NFAM1: variants seen among roughly 807,000 people sequenced by gnomAD.
The protein encoded by NFAM1 is NFAT activating protein with ITAM motif 1.
NFAM1 carries 17 observed loss-of-function variants against 29.0 expected under a neutral mutation model. The observed-to-expected ratio is 0.59, with a 90% CI of 0.40 to 0.88. The LOEUF is 0.88. Among genes scored for constraint, NFAM1 ranks in the 40% least tolerant of loss-of-function variants. The pLI is 0.00. For missense variants in NFAM1, 324 were observed against 344.6 expected, an observed-to-expected ratio of 0.94 and a Z score of 0.47; for synonymous variants, 175 against 147.2, an observed-to-expected ratio of 1.19 and a Z score of -1.36.
intron 1 of NFAM1, among the ~76,000 whole-genome samples, chr22:42,425,189 C>A (rs1175781158): frequency 6.6e-6 from 1 of 152,032 alleles, no homozygotes. Context: ...CCCCAAAGTG[C>A]GGGATTACAG....
intron 1 of NFAM1, among the ~76,000 whole-genome samples, chr22:42,424,656 C>T (rs550737236): frequency 3.9e-5 from 6 of 152,042 alleles, no homozygotes; most frequent in East Asian, 1.9e-4. Context: ...AGGTTTCAAA[C>T]GCAAGAAAGT....
chr22:42,428,698 GCCT>G (rs1930704288), intron 1 of NFAM1, among the ~76,000 whole-genome samples: 1 of 151,978 alleles, frequency 6.6e-6, no homozygotes, highest in Admixed American at 6.5e-5. Context: ...TCCCTCTGGT[GCCT>G]AGAACCGGTC....
chr22:42,434,326 C>T (rs751509413), upstream of NFAM1, among the ~76,000 whole-genome samples: 5 of 152,136 alleles, frequency 3.3e-5, no homozygotes, highest in Non-Finnish European at 4.4e-5. Flanking sequence ...CCCAACACCA[C>T]GCTGGTGCAC....
intron 1 of NFAM1, among the ~76,000 whole-genome samples, chr22:42,426,684 G>A (rs1436152011): frequency 6.6e-6 from 1 of 152,200 alleles, no homozygotes. Context: ...GGACTGGGGA[G>A]GCCATGGTGA....
chr22:42,403,559 C>G (rs1929796793), intron 3 of NFAM1, among the ~76,000 whole-genome samples: 1 of 152,262 alleles, frequency 6.6e-6, no homozygotes, highest in South Asian at 2.1e-4. Flanking sequence ...CTCAGGTGAT[C>G]AGCCAACCTG....
Position 42,409,551 on chromosome 22 carries a change from G to C in NFAM1, c.452-4C>G. 6.8e-7 allele frequency: 1 copy of C among 1,471,942 alleles called. No individual in the cohort carries two copies. The highest frequency in any genetic ancestry group is 9.1e-7 in the Non-Finnish European group (1 of 1,098,214). The allele number at this position is 1,471,942 out of a possible 1,614,324, so 91.2% of individuals were successfully genotyped here. On this transcript the variant is annotated splice_region_variant and splice_polypyrimidine_tract_variant and intron_variant, in intron 2 of 5. Transcript: ENST00000329021. This position sits in a 1 kb window ranked among gnomAD's most constrained non-coding sequence, Gnocchi z 4.9. ...GGGGGCTCTCGGTACCCTGCGTCTA[G>C]GAGGAAGCGCAGGGGAGCAGAGGGG...
chr22:42,402,468 AGGGCTC>A (rs1929754416), intron 3 of NFAM1, among the ~76,000 whole-genome samples: 1 of 152,180 alleles, frequency 6.6e-6, no homozygotes, highest in Admixed American at 6.5e-5. Flanking sequence ...AGAGCGCGGA[AGGGCTC>A]GGAGGAAGGG....
At position 42,382,929 on chromosome 22, in the gene NFAM1, G is replaced by A. The variant is rs560650529; in HGVS notation, c.*2232C>T. The A allele has an allele frequency of 6.5e-6, 1 of 153,014 alleles. No homozygotes were observed. The highest frequency in any genetic ancestry group is 1.9e-4 in the East Asian group (1 of 5,192). The allele number at this position is 153,014 out of a possible 1,614,324, so 9.5% of individuals were successfully genotyped here. A position where few individuals can be genotyped will look rare whatever the true frequency, so the allele number is the denominator to read the frequency against. On this transcript the variant is annotated 3_prime_UTR_variant, in exon 6 of 6. Coordinates refer to ENST00000329021, the MANE Select transcript of NFAM1 (RefSeq NM_145912.8). ...GGCAATGTCTCTGTCCACCAGAGGG[G>A]TGATGGGTCAGCCCCCAAGAACCTC...
chr22:42,386,990 T>A lies in NFAM1; in HGVS notation c.752A>T (p.Gln251Leu). Residue 251 changes from glutamine to leucine, a missense_variant and splice_region_variant, in exon 5 of 6, where the codon CAG becomes CTG. Gln to Leu is a moderately radical substitution (Grantham distance 113). Coordinates refer to ENST00000329021, the MANE Select transcript of NFAM1 (RefSeq NM_145912.8). ...SPTAKQSPLS[Q>L]ERPHRFEDDG... ...CTTGGTGCCCCAGCGCCTGTGTACCTGGGAGAGGGGGCTCTGCTTGGCGGT... is the reference window on the plus strand; with the variant it reads ...CTTGGTGCCCCAGCGCCTGTGTACCAGGGAGAGGGGGCTCTGCTTGGCGGT... 1.3e-6 allele frequency: 2 copies of A among 1,544,294 alleles called. No individual in the cohort carries two copies. Among genetic ancestry groups the A allele is most frequent in the South Asian group, 1.2e-5 (1 of 84,652 alleles).
rs557609616 is a variant in NFAM1 at position 42,384,363 on chromosome 22, C to G, written c.*798G>C. The G allele has an allele frequency of 6.5e-6, 1 of 153,116 alleles. No homozygotes were observed. 9.5% of individuals were successfully genotyped at this position (153,116 alleles called of 1,614,324 possible). A position where few individuals can be genotyped will look rare whatever the true frequency, so the allele number is the denominator to read the frequency against. ...GGGCCAGGCCAATGGGAGTGGGAAC[C>G]CTTGGGAGAGGGAGCTTCAGGCCAT... On this transcript the variant is annotated 3_prime_UTR_variant, in exon 6 of 6. Coordinates refer to ENST00000329021, the MANE Select transcript of NFAM1 (RefSeq NM_145912.8).
chr22:42,396,940 GGCGTGCACCTGGGGA>G (rs1022667288), intron 4 of NFAM1, among the ~76,000 whole-genome samples: 8 of 107,948 alleles, frequency 7.4e-5, no homozygotes, highest in South Asian at 2.5e-4. Flanking sequence ...GCACCTGGGG[GGCGTGCACCTGGGGA>G]GCGTGCACCT....
chr22:42,425,545 C>T (rs2146555283), intron 1 of NFAM1, among the ~76,000 whole-genome samples: 1 of 152,182 alleles, frequency 6.6e-6, no homozygotes, highest in African/African-American at 2.4e-5. Context: ...TCCACCCTGC[C>T]AGCTCCCTCC....
chr22:42,422,641 G>A (rs952689931), intron 1 of NFAM1, among the ~76,000 whole-genome samples: 2 of 152,052 alleles, frequency 1.3e-5, no homozygotes, highest in African/African-American at 4.8e-5. Context: ...AGGTCAAGTC[G>A]CTCCAACTTT....
chr22:42,390,534 G>A lies in NFAM1; in HGVS notation c.664-3456C>T, dbSNP rs190481892. Among the ~76,000 whole-genome samples, 80 of 152,136 alleles carry A rather than the reference G, an allele frequency of 5.3e-4. No individual in the cohort carries two copies. The East Asian group carries it at 0.014, about 26-fold the overall frequency. On this transcript the variant is annotated intron_variant, in intron 4 of 5. Coordinates refer to ENST00000329021, the MANE Select transcript of NFAM1 (RefSeq NM_145912.8). ...TAGAGAGCTGAAAGAATGAGGGAGC[G>A]GGCTGGGTGTGGTGGCTCACCCCTG...
intron 5 of NFAM1, among the ~76,000 whole-genome samples, chr22:42,386,084 G>A (rs1374137915): frequency 1.3e-5 from 2 of 152,166 alleles, no homozygotes; most frequent in South Asian, 2.1e-4. Context: ...GTTTAAGAGA[G>A]AAAGTATGGG....
chr22:42,395,527 G>A (rs1361873996), intron 4 of NFAM1, among the ~76,000 whole-genome samples: 1 of 150,534 alleles, frequency 6.6e-6, no homozygotes, highest in Non-Finnish European at 1.5e-5. Context: ...AAAATAATGA[G>A]GATTGGAAAG....
upstream of NFAM1, among the ~76,000 whole-genome samples, chr22:42,437,196 G>A (rs191372780): frequency 2.0e-5 from 3 of 148,134 alleles, no homozygotes; most frequent in Non-Finnish European, 4.4e-5. Context: ...AGGCTGGAGT[G>A]CAGTGGTGCG....
chr22:42,399,646 AG>A (rs1410079533), intron 3 of NFAM1, among the ~76,000 whole-genome samples: 9 of 152,040 alleles, frequency 5.9e-5, no homozygotes, highest in Non-Finnish European at 1.2e-4. Context: ...CGCTGGTCAC[AG>A]TGGAGGCTGG....
At chr22:42,430,149 G>C (rs2146560642) in intron 1 of NFAM1, among the ~76,000 whole-genome samples, 1 of 152,262 alleles carries the variant, frequency 6.6e-6, no homozygotes, top group African/African-American at 2.4e-5. Context: ...TGTGGTTCCA[G>C]TTATTCGGGA....
Sources: allele counts gnomAD v4.1 joint callset (sites outside exome capture counted in the v4.1 genomes callset), GRCh38; gene constraint gnomAD v4.1.1; non-coding constraint Gnocchi (gnomAD v3.1); transcripts MANE v1.5; gene names NCBI Gene and HGNC (gene_info 2026-07-23, HGNC 2026-07-21).